Variants in KMT2A observed in about 807,000 individuals in gnomAD.
KMT2A encodes histone-lysine N-methyltransferase 2A.
A neutral mutation model predicts 345.3 loss-of-function variants in KMT2A; 16 were observed. The observed-to-expected ratio is 0.05, with a 90% CI of 0.03 to 0.07. The LOEUF is 0.07. KMT2A is among the 10% of genes least tolerant of loss of function. KMT2A has a pLI of 1.00. For missense variants in KMT2A, 3,272 were observed against 4,841.6 expected (o/e 0.68, Z 9.62); for synonymous variants, 1,599 against 1,778.6 (o/e 0.90, Z 2.54).
chr11:118,503,492 A>G lies in KMT2A; in HGVS notation c.7600A>G (p.Asn2534Asp). 1 of 1,614,166 alleles carries G rather than the reference A, an allele frequency of 6.2e-7. No individual in the cohort carries two copies. The highest frequency in any genetic ancestry group is 8.5e-7 in the Non-Finnish European group (1 of 1,180,020). ...KVTLTPLKME[N>D]ESQSKNALKE... ...GACACTGACACCTCTAAAAATGGAA[A>G]ATGAGAGTCAATCCAAAAATGCCCT... Residue 2534 changes from asparagine to aspartate, a missense_variant, in exon 27 of 36, where the codon AAT (asparagine) becomes GAT (aspartate). Coordinates refer to ENST00000534358, the MANE Select transcript of KMT2A (RefSeq NM_001197104.2). This position sits in a 1 kb window ranked among gnomAD's most constrained non-coding sequence, Gnocchi z 5.3.
intron 27 of KMT2A, among the ~76,000 whole-genome samples, chr11:118,507,022 C>G (rs919375181): frequency 4.6e-5 from 7 of 152,186 alleles, no homozygotes; most frequent in African/African-American, 1.7e-4. Flanking sequence ...GAAAGCCAAG[C>G]ACAGTGGCTC....
rs1950574083 is a variant in KMT2A, at chr11:118,505,937, A to G, written c.10045A>G (p.Met3349Val). The G allele has an allele frequency of 1.2e-6, 2 of 1,614,172 alleles. No individual in the cohort carries two copies. The highest frequency in any genetic ancestry group is 1.1e-5 in the South Asian group (1 of 91,080). ...SSSSVLNVVS[M>V]QTTTTPTSSA... ...TTCCTCTGTCTTGAATGTTGTATCC[A>G]TGCAAACTACCACAACCCCTACAAG... Residue 3349 changes from methionine (M) to valine (V), a missense_variant, in exon 27 of 36, where the codon ATG (methionine) becomes GTG (valine). Transcript: ENST00000534358. The surrounding 1 kb of genome is among the most constrained non-coding windows in gnomAD (Gnocchi z 4.6).
At chr11:118,462,750 G>A (rs1949769450) in intron 1 of KMT2A, among the ~76,000 whole-genome samples, 1 of 152,050 alleles carries the variant, frequency 6.6e-6, no homozygotes, top group Admixed American at 6.5e-5. Context: ...TTTTAGTAGA[G>A]ACAGGGTTTC....
chr11:118,520,072 T>C lies in KMT2A; in HGVS notation c.11429+8T>C. The C allele has an allele frequency of 6.3e-7, 1 of 1,587,984 alleles. No homozygotes were observed. The highest frequency in any genetic ancestry group is 8.6e-7 in the Non-Finnish European group (1 of 1,156,548). The stretch of plus-strand genomic sequence containing the variant: ...ACAGCTGAAGTCAGCTCGGTAAGTC[T>C]TGAGTGGGGAGCAGTCATTAGAAAC... On this transcript the variant is annotated splice_region_variant and intron_variant, in intron 33 of 35. Transcript: ENST00000534358. This position sits in a 1 kb window ranked among gnomAD's most constrained non-coding sequence, Gnocchi z 4.3.
rs1950668496 is a variant in KMT2A, at chr11:118,510,652, C to G, written c.11071+534C>G. On this transcript the variant is annotated intron_variant, in intron 30 of 35. Coordinates refer to ENST00000534358, the MANE Select transcript of KMT2A (RefSeq NM_001197104.2). This position sits in a 1 kb window ranked among gnomAD's most constrained non-coding sequence, Gnocchi z 4.1. The stretch of plus-strand genomic sequence containing the variant: ...TGTCCGTGTTTGTTTACTTTTATCA[C>G]TCACTCAACAGCGAGCTCTCCATAA... Among the ~76,000 whole-genome samples the G allele has an allele frequency of 6.6e-6, 1 of 152,196 alleles. No homozygotes were observed. The highest frequency in any genetic ancestry group is 1.5e-5 in the Non-Finnish European group (1 of 68,034).
At position 118,436,993 on chromosome 11, in the gene KMT2A, GC is replaced by G; in HGVS notation, c.432+54del. On this transcript the variant is annotated intron_variant, in intron 1 of 35. Coordinates refer to ENST00000534358, the MANE Select transcript of KMT2A (RefSeq NM_001197104.2). This position sits in a 1 kb window ranked among gnomAD's most constrained non-coding sequence, Gnocchi z 6.9. Reference sequence around the variant, plus strand: ...GTCCGGGGTCTCGACCCTCTGCGGAGCCCCCTCCCCTCCCCCATCCGGGATT... The same window carrying G: ...GTCCGGGGTCTCGACCCTCTGCGGAGCCCCTCCCCTCCCCCATCCGGGATT... The G allele has an allele frequency of 2.2e-6, 3 of 1,376,390 alleles. No individual in the cohort carries two copies. Among genetic ancestry groups the G allele is most frequent in the African/African-American group, 1.5e-5 (1 of 66,512 alleles). The allele number at this position is 1,376,390 out of a possible 1,614,324, so 85.3% of individuals were successfully genotyped here.
chr11:118,468,886 GT>G (rs1949895263), intron 2 of KMT2A, 42 bp downstream of exon 2: 1 of 1,526,794 alleles, frequency 6.5e-7, no homozygotes, highest in Non-Finnish European at 9.1e-7. Context: ...AGTTTTGTTT[GT>G]TAGGAGATTG....
intron 1 of KMT2A, among the ~76,000 whole-genome samples, chr11:118,456,679 T>A (rs535170983): frequency 6.6e-6 from 1 of 152,360 alleles, no homozygotes; most frequent in Admixed American, 6.5e-5. Flanking sequence ...CTCAGAACTC[T>A]GCCATCTACC....
chr11:118,462,582 A>G (rs568902701), intron 1 of KMT2A, among the ~76,000 whole-genome samples: 2 of 152,208 alleles, frequency 1.3e-5, no homozygotes, highest in African/African-American at 4.8e-5. Context: ...TTTTTGAGAC[A>G]GAGTCTCGCT....
Position 118,436,975 on chromosome 11 carries a change from G to A in KMT2A, c.432+31G>A. 1 of 1,409,354 alleles carries A rather than the reference G, an allele frequency of 7.1e-7. No individual in the cohort carries two copies. 87.3% of individuals were successfully genotyped at this position (1,409,354 alleles called of 1,614,324 possible). On this transcript the variant is annotated intron_variant, in intron 1 of 35. Coordinates refer to ENST00000534358, the MANE Select transcript of KMT2A (RefSeq NM_001197104.2). This position sits in a 1 kb window ranked among gnomAD's most constrained non-coding sequence, Gnocchi z 6.9. ...GGGGCGAGGAACCCCCAGGTCCGGG[G>A]TCTCGACCCTCTGCGGAGCCCCCTC...
intron 1 of KMT2A, among the ~76,000 whole-genome samples, chr11:118,447,142 T>C (rs1337623737): frequency 6.6e-6 from 1 of 152,202 alleles, no homozygotes; most frequent in Non-Finnish European, 1.5e-5. Context: ...CTGAACTTCT[T>C]TCCTGTTTTC....
rs1240035947 is a variant in KMT2A at position 118,457,290 on chromosome 11, C to T, written c.433-11485C>T. Among the ~76,000 whole-genome samples the T allele has an allele frequency of 1.3e-4, 13 of 100,056 alleles. No individual in the cohort carries two copies. The Admixed American group carries it at 1.9e-3, about 15-fold the overall frequency. The allele number at this position is 100,056 out of a possible 152,430, so 65.6% of individuals were successfully genotyped here. ...TTTTTTTTTTTTTTTTTTTTTGAGA[C>T]AGAGTCTTGCTCTGTCACCCAGGCT... On this transcript the variant is annotated intron_variant, in intron 1 of 35. Coordinates refer to ENST00000534358, the MANE Select transcript of KMT2A (RefSeq NM_001197104.2).
intron 1 of KMT2A, among the ~76,000 whole-genome samples, chr11:118,453,816 C>T (rs1949588404): frequency 6.6e-6 from 1 of 152,204 alleles, no homozygotes; most frequent in Non-Finnish European, 1.5e-5. Context: ...AACACATATA[C>T]ATTGAAGCAC....
At position 118,496,549 on chromosome 11, in the gene KMT2A, T is replaced by G. The variant is rs1950412379; in HGVS notation, c.5664+182T>G. Among the ~76,000 whole-genome samples the G allele has an allele frequency of 6.6e-6, 1 of 152,222 alleles. No homozygotes were observed. Among genetic ancestry groups the G allele is most frequent in the African/African-American group, 2.4e-5 (1 of 41,464 alleles). ...TAATTTGTAACTTATTTTTTGTCAC[T>G]TAGTTCATGGCACTTGGAGTTTTTT... On this transcript the variant is annotated intron_variant, in intron 20 of 35. Coordinates refer to ENST00000534358, the MANE Select transcript of KMT2A (RefSeq NM_001197104.2). The surrounding 1 kb of genome is among the most constrained non-coding windows in gnomAD (Gnocchi z 4.7).
At chr11:118,448,017 C>G (rs912249273) in intron 1 of KMT2A, 1 of 153,096 alleles carries the variant, frequency 6.5e-6, no homozygotes, top group African/African-American at 2.4e-5. Context: ...CTACCTTTTC[C>G]TTCTGTGAAT....
At chr11:118,486,093 A>T (rs1950224708) in intron 10 of KMT2A, among the ~76,000 whole-genome samples, 1 of 152,182 alleles carries the variant, frequency 6.6e-6, no homozygotes, top group Admixed American at 6.5e-5. Context: ...AAAAAAAAAT[A>T]AAAGTGTAGG....
chr11:118,503,220 A>C lies in KMT2A; in HGVS notation c.7328A>C (p.Lys2443Thr), dbSNP rs1950529764. 1 of 1,614,122 alleles carries C rather than the reference A, an allele frequency of 6.2e-7. No individual in the cohort carries two copies. Among genetic ancestry groups the C allele is most frequent in the Non-Finnish European group, 8.5e-7 (1 of 1,179,992 alleles). Residue 2443 changes from lysine to threonine, a missense_variant, in exon 27 of 36, where the codon AAG becomes ACG. Lys to Thr is a moderately conservative substitution (Grantham distance 78). Around this residue, in one of 27 missense-constraint regions of KMT2A, gnomAD observed 445 missense variants for 500.9 expected, o/e 0.89. Coordinates refer to ENST00000534358, the MANE Select transcript of KMT2A (RefSeq NM_001197104.2). The surrounding 1 kb of genome is among the most constrained non-coding windows in gnomAD (Gnocchi z 5.3). ...KKSCKETFKE[K>T]HSSKSFLEPG... ...TCCTGTAAAGAAACTTTCAAAGAAA[A>C]GCATTCCAGTAAATCTTTTTTGGAA...
In KMT2A at chr11:118,499,312, G is replaced by C. The variant is rs1950461124; in HGVS notation, c.5971G>C (p.Glu1991Gln). Reference sequence around the variant, plus strand: ...ATGGGTTTTATTTAAGGTGGTTCCTGAGAATGGATTTGAAGTTTTCAGAAG... The same window carrying C: ...ATGGGTTTTATTTAAGGTGGTTCCTCAGAATGGATTTGAAGTTTTCAGAAG... ...RDLIKGEVVP[E>Q]NGFEVFRRVF... The change falls in exon 23 of 36, where the codon GAG (glutamate) becomes CAG (glutamine). Residue 1991 changes from glutamate to glutamine, a missense_variant. Transcript: ENST00000534358. 1 of 1,611,312 alleles carries C rather than the reference G, an allele frequency of 6.2e-7. No individual in the cohort carries two copies. Among genetic ancestry groups the C allele is most frequent in the Non-Finnish European group, 8.5e-7 (1 of 1,177,406 alleles).
Position 118,473,030 on chromosome 11 carries a change from A to C in KMT2A, c.1871A>C (p.His624Pro). 1 of 1,614,196 alleles carries C rather than the reference A, an allele frequency of 6.2e-7. No homozygotes were observed. Residue 624 changes from histidine (H) to proline (P), a missense_variant, in exon 3 of 36, where the codon CAT becomes CCT. Transcript: ENST00000534358. This position sits in a 1 kb window ranked among gnomAD's most constrained non-coding sequence, Gnocchi z 5.2. ...ACATTTAGGTGGACTTCTTTAAAGC[A>C]TTCTAGGTCAGAGCCACAATACTTT... ...EPTFRWTSLK[H>P]SRSEPQYFSS...
Sources: allele counts gnomAD v4.1 joint callset (sites outside exome capture counted in the v4.1 genomes callset), GRCh38; gene constraint gnomAD v4.1.1; regional missense constraint gnomAD v4.1.1; non-coding constraint Gnocchi (gnomAD v3.1); transcripts MANE v1.5; gene names NCBI Gene and HGNC (gene_info 2026-07-23, HGNC 2026-07-21).